The following GALNT13 variants were observed in gnomAD, a reference collection of about 807,000 sequenced individuals.
GALNT13 encodes the protein UDP-GalNAc:polypeptide N-acetylgalactosaminyltransferase 13.
GALNT13 carries 28 observed loss-of-function variants against 64.2 expected under a neutral mutation model. That is an observed-to-expected ratio of 0.44 (90% CI 0.32 to 0.60). The LOEUF (loss-of-function observed/expected upper bound fraction) is 0.60, where lower values mean the gene tolerates loss of function less well. GALNT13 is among the 20% of genes least tolerant of loss of function. The probability of loss-of-function intolerance (pLI) is 0.05; values close to 1 mark genes in which losing one functional copy is unlikely to be tolerated. For synonymous variants in GALNT13, 214 were observed against 224.6 expected (o/e 0.95, Z 0.42); for missense variants, 577 against 669.8 (o/e 0.86, Z 1.53).
chr2:153,246,881 C>T, the GALNT13 span, among the ~76,000 whole-genome samples: 2 of 152,014 alleles, frequency 1.3e-5, no homozygotes, highest in African/African-American at 4.8e-5. Context: ...AGACCCATCA[C>T]GGTGCTGTAT....
intron 3 of GALNT13, among the ~76,000 whole-genome samples, chr2:154,087,059 A>G (rs1701567306): frequency 6.6e-6 from 1 of 152,112 alleles, no homozygotes; most frequent in South Asian, 2.1e-4. Context: ...TTCTGAAAGG[A>G]GGTGTGAATT....
the GALNT13 span, among the ~76,000 whole-genome samples, chr2:153,727,588 A>G: frequency 6.6e-6 from 1 of 152,152 alleles, no homozygotes; most frequent in African/African-American, 2.4e-5. Flanking sequence ...CGACTCATCT[A>G]TAAGAGTTCT....
At chr2:154,111,419 T>C (rs1253502874) in intron 3 of GALNT13, among the ~76,000 whole-genome samples, 2 of 152,202 alleles carry the variant, frequency 1.3e-5, no homozygotes, top group African/African-American at 4.8e-5. Context: ...ATCTTGATAG[T>C]CCGGGTCAAT....
At chr2:153,282,120 A>ACTT in the GALNT13 span, among the ~76,000 whole-genome samples, 724 of 151,300 alleles carry the variant, frequency 4.8e-3, 9 homozygotes, top group Non-Finnish European at 6.3e-3. Context: ...ATCTTAAAAA[A>ACTT]TTTTTTTTTC....
chr2:153,214,777 A>G, the GALNT13 span, among the ~76,000 whole-genome samples: 19,768 of 152,206 alleles, frequency 0.13, 1,481 homozygotes, highest in Middle Eastern at 0.19. Context: ...TTAATAAAAA[A>G]ATAAGTAATC....
chr2:154,158,545 A>G (rs1022777266), intron 4 of GALNT13, among the ~76,000 whole-genome samples: 1 of 152,290 alleles, frequency 6.6e-6, no homozygotes, highest in East Asian at 1.9e-4. Flanking sequence ...TCTCTGATCA[A>G]CATAATAGTC....
the GALNT13 span, among the ~76,000 whole-genome samples, chr2:153,230,943 A>G: frequency 6.6e-6 from 1 of 151,976 alleles, no homozygotes; most frequent in African/African-American, 2.4e-5. Flanking sequence ...TTCTTGACTG[A>G]TTTTCTTTAT....
At chr2:153,338,109 A>T in the GALNT13 span, among the ~76,000 whole-genome samples, 1 of 151,636 alleles carries the variant, frequency 6.6e-6, no homozygotes, top group African/African-American at 2.4e-5. Flanking sequence ...TGGGCAATTT[A>T]TTGAGGCCCC....
chr2:153,368,483 G>A, the GALNT13 span, among the ~76,000 whole-genome samples: 1 of 152,092 alleles, frequency 6.6e-6, no homozygotes, highest in Non-Finnish European at 1.5e-5. Flanking sequence ...TATTTTGTTA[G>A]AGCACCCAAG....
intron 3 of GALNT13, among the ~76,000 whole-genome samples, chr2:154,012,692 G>A (rs185818512): frequency 5.3e-4 from 80 of 152,140 alleles, no homozygotes; most frequent in Non-Finnish European, 8.4e-4. Context: ...CTCTCTTTCT[G>A]CCATGTCAGT....
chr2:153,322,368 A>G, the GALNT13 span, among the ~76,000 whole-genome samples: 1 of 152,086 alleles, frequency 6.6e-6, no homozygotes, highest in African/African-American at 2.4e-5. Context: ...GCTATGTAGT[A>G]TTCCGTGGCA....
chr2:153,567,348 C>T, the GALNT13 span, among the ~76,000 whole-genome samples: 2 of 152,174 alleles, frequency 1.3e-5, no homozygotes, highest in African/African-American at 4.8e-5. Context: ...TCTGGATAGA[C>T]AGATGCATAA....
chr2:153,364,584 G>A, the GALNT13 span, among the ~76,000 whole-genome samples: 2 of 151,740 alleles, frequency 1.3e-5, no homozygotes, highest in Admixed American at 6.6e-5. Context: ...ATTCTTCTAC[G>A]CCAACAATAG....
At chr2:153,232,229 C>G in the GALNT13 span, among the ~76,000 whole-genome samples, 1 of 152,138 alleles carries the variant, frequency 6.6e-6, no homozygotes, top group South Asian at 2.1e-4. Context: ...ATGCATAGCA[C>G]TGAGAATGGG....
At chr2:154,089,937 A>G (rs1293026640) in intron 3 of GALNT13, among the ~76,000 whole-genome samples, 1 of 151,694 alleles carries the variant, frequency 6.6e-6, no homozygotes, top group Non-Finnish European at 1.5e-5. Flanking sequence ...TATTAACATC[A>G]TTTATTGTAT....
At chr2:153,650,793 A>T in the GALNT13 span, among the ~76,000 whole-genome samples, 3 of 151,524 alleles carry the variant, frequency 2.0e-5, no homozygotes, top group South Asian at 4.2e-4. Flanking sequence ...CCTCCAGCAA[A>T]TTTTTTTTTA....
the GALNT13 span, among the ~76,000 whole-genome samples, chr2:153,170,531 T>G: frequency 6.6e-6 from 1 of 152,174 alleles, no homozygotes; most frequent in Non-Finnish European, 1.5e-5. Flanking sequence ...GATAGCAAAA[T>G]TTATAATTAA....
chr2:154,432,555 G>A (rs1385226325), intron 11 of GALNT13, among the ~76,000 whole-genome samples: 1 of 152,172 alleles, frequency 6.6e-6, no homozygotes, highest in Admixed American at 6.5e-5. Flanking sequence ...AGTTCTGGAG[G>A]CTAGAAGTCT....
intron 4 of GALNT13, among the ~76,000 whole-genome samples, chr2:154,140,834 G>A (rs1379922806): frequency 2.6e-5 from 4 of 152,108 alleles, no homozygotes; most frequent in Admixed American, 6.6e-5. Flanking sequence ...GTAGATTACA[G>A]TCGTATATTG....
Sources: allele counts gnomAD v4.1 joint callset (sites outside exome capture counted in the v4.1 genomes callset), GRCh38; gene constraint gnomAD v4.1.1; transcripts MANE v1.5; gene names NCBI Gene and HGNC (gene_info 2026-07-23, HGNC 2026-07-21).